RXFP1: variants seen among roughly 807,000 people sequenced by gnomAD.
RXFP1 encodes relaxin family peptide receptor 1, also known as relaxin receptor 1.
RXFP1 carries 73 observed loss-of-function variants against 89.8 expected under a neutral mutation model. That is an observed-to-expected ratio of 0.81 (90% CI 0.67 to 0.99). The LOEUF (loss-of-function observed/expected upper bound fraction) is 0.99. Among genes scored for constraint, RXFP1 ranks in the 50% least tolerant of loss-of-function variants. The pLI is 0.00. For missense variants in RXFP1, 793 were observed against 895.5 expected (o/e 0.89, Z 1.46); for synonymous variants, 277 against 305.5 (o/e 0.91, Z 0.97).
intron 1 of RXFP1, among the ~76,000 whole-genome samples, chr4:158,563,532 AC>A (rs1561017074): frequency 9.0e-6 from 1 of 110,556 alleles, no homozygotes; most frequent in Non-Finnish European, 2.1e-5. Flanking sequence ...ACACACACAC[AC>A]ACACCCCAAC....
intron 1 of RXFP1, chr4:158,544,348 G>C: frequency 2.0e-6 from 2 of 985,128 alleles, no homozygotes; most frequent in Non-Finnish European, 2.4e-6. Context: ...TCTCATCCTT[G>C]CACTGAAGGA....
At chr4:158,597,622 T>C (rs1760887527) in intron 3 of RXFP1, among the ~76,000 whole-genome samples, 1 of 152,194 alleles carries the variant, frequency 6.6e-6, no homozygotes, top group Non-Finnish European at 1.5e-5. Flanking sequence ...GGCTGTTGGA[T>C]ATTTATGTGT....
chr4:158,525,028 A>G (rs1022169740), intron 1 of RXFP1, among the ~76,000 whole-genome samples: 11 of 152,198 alleles, frequency 7.2e-5, no homozygotes, highest in African/African-American at 2.7e-4. Flanking sequence ...GCACTGGCAT[A>G]ACTTGTAACA....
chr4:158,626,111 TATA>T (rs1766661179), intron 9 of RXFP1, among the ~76,000 whole-genome samples: 2 of 136,594 alleles, frequency 1.5e-5, no homozygotes, highest in African/African-American at 2.9e-5. Context: ...TAGATATCTA[TATA>T]GATAGATAGA....
intron 2 of RXFP1, among the ~76,000 whole-genome samples, chr4:158,582,165 G>A (rs925599484): frequency 6.6e-6 from 1 of 152,166 alleles, no homozygotes; most frequent in Non-Finnish European, 1.5e-5. Flanking sequence ...ATGGGGTTGG[G>A]TGGGAACAAA....
chr4:158,560,405 C>G (rs1435982404), intron 1 of RXFP1, among the ~76,000 whole-genome samples: 1 of 152,140 alleles, frequency 6.6e-6, no homozygotes, highest in East Asian at 1.9e-4. Flanking sequence ...TCCCTACATG[C>G]CCCATCAGTC....
Position 158,648,723 on chromosome 4 carries a change from AT to A in RXFP1, c.1975+7del, listed in dbSNP as rs780161939. 1.5e-5 allele frequency: 22 copies of A among 1,470,868 alleles called. No homozygotes were observed. Among genetic ancestry groups the A allele is most frequent in the Non-Finnish European group, 2.1e-5 (22 of 1,065,688 alleles). The allele number at this position is 1,470,868 out of a possible 1,614,324, so 91.1% of individuals were successfully genotyped here. ...GCTTCAGGTAGAAATACCAGGTACA[AT>A]ATTTTTTAATCTCCTTAAAGAAATA... On this transcript the variant is annotated splice_region_variant and intron_variant, in intron 17 of 17. Coordinates refer to ENST00000307765, the MANE Select transcript of RXFP1 (RefSeq NM_021634.4).
intron 1 of RXFP1, among the ~76,000 whole-genome samples, chr4:158,556,597 G>C (rs1353218219): frequency 3.3e-5 from 5 of 152,170 alleles, no homozygotes; most frequent in African/African-American, 9.7e-5. Context: ...GTATGTTGAA[G>C]AGATATCTGC....
chr4:158,617,426 A>AAAAATAT (rs975508767), intron 9 of RXFP1, among the ~76,000 whole-genome samples: 2 of 149,170 alleles, frequency 1.3e-5, no homozygotes, highest in Admixed American at 6.7e-5. Flanking sequence ...TCTCAAAAAA[A>AAAAATAT]ATATATATAT....
chr4:158,651,260 A>C (rs1772669092), intron 17 of RXFP1, among the ~76,000 whole-genome samples: 1 of 152,234 alleles, frequency 6.6e-6, no homozygotes, highest in Non-Finnish European at 1.5e-5. Flanking sequence ...TACAGAAATA[A>C]ATATCTGGTC....
chr4:158,549,145 C>T (rs983406856), intron 1 of RXFP1, among the ~76,000 whole-genome samples: 15 of 151,070 alleles, frequency 9.9e-5, no homozygotes, highest in South Asian at 2.1e-4. Flanking sequence ...AGGCTTTGTT[C>T]GTTTCTTTTT....
chr4:158,540,329 G>C (rs1053182566), intron 1 of RXFP1, among the ~76,000 whole-genome samples: 1 of 152,072 alleles, frequency 6.6e-6, no homozygotes, highest in African/African-American at 2.4e-5. Context: ...CAAAACTGAA[G>C]TTCTTCCCCT....
At chr4:158,621,491 G>T (rs534942940) in intron 9 of RXFP1, among the ~76,000 whole-genome samples, 2 of 152,212 alleles carry the variant, frequency 1.3e-5, no homozygotes, top group East Asian at 3.9e-4. Context: ...AAGAAAGAAG[G>T]TATAGTGCAT....
intron 17 of RXFP1, among the ~76,000 whole-genome samples, chr4:158,650,571 C>T (rs1259372375): frequency 1.3e-5 from 2 of 151,904 alleles, no homozygotes; most frequent in East Asian, 3.9e-4. Context: ...GAGTTGGAGA[C>T]CAGCCTGGCC....
chr4:158,523,246 C>T lies in RXFP1; in HGVS notation c.49+1221C>T, dbSNP rs372524704. On this transcript the variant is annotated intron_variant, in intron 1 of 17. Transcript: ENST00000307765. ...AGCTTTTGACATTTGTGGCCAACAG[C>T]TTCAAAAATTAATGCCATATTTTAC... Among the ~76,000 whole-genome samples the T allele has an allele frequency of 9.9e-5, 15 of 152,264 alleles. No homozygotes were observed. In the East Asian group the frequency reaches 2.9e-3, roughly 29 times the overall value.
At chr4:158,582,916 A>G (rs765187110) in intron 2 of RXFP1, among the ~76,000 whole-genome samples, 1 of 152,188 alleles carries the variant, frequency 6.6e-6, no homozygotes, top group Non-Finnish European at 1.5e-5. Flanking sequence ...TTGGTCTTCC[A>G]TATCTATTGT....
intron 2 of RXFP1, among the ~76,000 whole-genome samples, chr4:158,590,255 C>G (rs1024451299): frequency 6.6e-6 from 1 of 152,124 alleles, no homozygotes; most frequent in African/African-American, 2.4e-5. Context: ...ACCTCTGCCC[C>G]ACAAGTTCAA....
intron 2 of RXFP1, among the ~76,000 whole-genome samples, chr4:158,581,084 C>T (rs76747103): frequency 1.3e-5 from 2 of 152,328 alleles, no homozygotes; most frequent in South Asian, 2.1e-4. Flanking sequence ...GCCACCATAC[C>T]CAGCCTGTGC....
chr4:158,540,086 G>C (rs28472896), intron 1 of RXFP1, among the ~76,000 whole-genome samples: 1 of 152,232 alleles, frequency 6.6e-6, no homozygotes, highest in Non-Finnish European at 1.5e-5. Context: ...TAGCAGAAAG[G>C]GGTCCCGATC....
Sources: allele counts gnomAD v4.1 joint callset (sites outside exome capture counted in the v4.1 genomes callset), GRCh38; gene constraint gnomAD v4.1.1; transcripts MANE v1.5; gene names NCBI Gene and HGNC (gene_info 2026-07-23, HGNC 2026-07-21).